The following SUPT20H variants were observed in gnomAD, a reference collection of about 807,000 sequenced individuals.
SUPT20H encodes transcription factor SPT20 homolog.
In SUPT20H, 82 loss-of-function variants were observed where a neutral mutation model predicts 122.8. That is an observed-to-expected ratio of 0.67 (90% confidence interval 0.56 to 0.80). The LOEUF (loss-of-function observed/expected upper bound fraction) is 0.80, where lower values mean the gene tolerates loss of function less well. Ranked by LOEUF, SUPT20H falls within the 30% of genes least tolerant of loss-of-function variation. The pLI, the probability that SUPT20H is intolerant of heterozygous loss-of-function variation, is 0.00. For missense variants in SUPT20H, 831 were observed against 921.6 expected (o/e 0.90, Z 1.27); for synonymous variants, 291 against 313.0 (o/e 0.93, Z 0.74).
intron 10 of SUPT20H, among the ~76,000 whole-genome samples, chr13:37,032,178 C>A (rs571071516): frequency 3.3e-5 from 5 of 151,248 alleles, no homozygotes; most frequent in Non-Finnish European, 5.9e-5. Flanking sequence ...GTAAGAGAAG[C>A]AAAAGAGTAC....
chr13:37,026,853 C>A (rs2062374884), intron 14 of SUPT20H, 37 bp from the exon 15 acceptor site: 2 of 1,354,940 alleles, frequency 1.5e-6, no homozygotes, highest in East Asian at 2.9e-5. Flanking sequence ...TTAGTTAATG[C>A]AGCTCAAACT....
At chr13:37,048,634 G>C in intron 2 of SUPT20H, 35 bp from the exon 3 acceptor site, 1 of 1,555,912 alleles carries the variant, frequency 6.4e-7, no homozygotes, top group Admixed American at 2.0e-5. Flanking sequence ...GGTAATATTA[G>C]TTATTTCCAC....
chr13:37,042,304 T>C (rs1042836225), intron 7 of SUPT20H, among the ~76,000 whole-genome samples: 2 of 152,142 alleles, frequency 1.3e-5, no homozygotes, highest in Non-Finnish European at 2.9e-5. Context: ...GAACCTATTA[T>C]ATATCCAAGA....
chr13:37,042,766 CTA>C (rs2065731846), intron 7 of SUPT20H, among the ~76,000 whole-genome samples: 1 of 152,098 alleles, frequency 6.6e-6, no homozygotes, highest in Admixed American at 6.6e-5. Flanking sequence ...GAGGAAATGA[CTA>C]TAAATTCTTT....
At chr13:37,033,720 C>T in intron 9 of SUPT20H, 132 bp from the exon 10 acceptor site, 1 of 986,700 alleles carries the variant, frequency 1.0e-6, no homozygotes, top group Non-Finnish European at 1.4e-6. Flanking sequence ...ATTTCAAGTT[C>T]CAATGTTAGT....
intron 22 of SUPT20H, 142 bp downstream of exon 22, chr13:37,019,200 C>T: frequency 1.8e-6 from 1 of 563,984 alleles, no homozygotes; most frequent in East Asian, 3.1e-5. Context: ...CTTGATCATA[C>T]AAAGGTAGCA....
At chr13:37,052,189 T>C (rs1307386774) in intron 1 of SUPT20H, among the ~76,000 whole-genome samples, 2 of 152,160 alleles carry the variant, frequency 1.3e-5, no homozygotes, top group African/African-American at 4.8e-5. Context: ...TACTTTAAAT[T>C]TCATGTGGAA....
chr13:37,046,369 A>G (rs1396171794), intron 5 of SUPT20H, among the ~76,000 whole-genome samples: 5 of 152,180 alleles, frequency 3.3e-5, no homozygotes, highest in Non-Finnish European at 7.4e-5. Context: ...CCTCTTCAAC[A>G]AAACAAATTA....
At chr13:37,042,704 G>A (rs1243828243) in intron 7 of SUPT20H, among the ~76,000 whole-genome samples, 1 of 152,146 alleles carries the variant, frequency 6.6e-6, no homozygotes, top group Non-Finnish European at 1.5e-5. Flanking sequence ...TCTGCAGAAC[G>A]ATGTCATGAT....
In SUPT20H at chr13:37,047,603, T is replaced by C; in HGVS notation, c.99-2A>G. On this transcript the variant is annotated splice_acceptor_variant, in intron 4 of 25. Transcript: ENST00000350612. LOFTEE classifies it high-confidence loss of function. ...TAAAGTTTTTGAAATACAGATTTTC[T>C]AAAAAAATTTAATGAAACAAATATA... 1 of 1,382,766 alleles carries C rather than the reference T, an allele frequency of 7.2e-7. No homozygotes were observed. Among genetic ancestry groups the C allele is most frequent in the Non-Finnish European group, 9.7e-7 (1 of 1,032,850 alleles). The allele number at this position is 1,382,766 out of a possible 1,614,324, so 85.7% of individuals were successfully genotyped here.
At position 37,059,570 on chromosome 13, in the gene SUPT20H, G is replaced by C. The variant is rs988167638; in HGVS notation, c.-105C>G. On this transcript the variant is annotated 5_prime_UTR_variant, in exon 1 of 26. Transcript: ENST00000350612. ...CCGCCACCGCCCACCTGTGCGGGTC[G>C]CCTCGCCGCTAGGCCCCAAGACGGC... 10 of 152,430 alleles carry C rather than the reference G, an allele frequency of 6.6e-5. No individual in the cohort carries two copies. Among genetic ancestry groups the C allele is most frequent in the African/African-American group, 2.4e-4 (10 of 41,464 alleles). 9.4% of individuals were successfully genotyped at this position (152,430 alleles called of 1,614,324 possible). A position where few individuals can be genotyped will look rare whatever the true frequency, so the allele number is the denominator to read the frequency against.
At chr13:37,018,981 CA>C (rs926339496) in intron 22 of SUPT20H, among the ~76,000 whole-genome samples, 1 of 149,828 alleles carries the variant, frequency 6.7e-6, no homozygotes, top group Non-Finnish European at 1.5e-5. Flanking sequence ...CCTTCAAGCA[CA>C]AAAAAAAACC....
chr13:37,046,282 G>C (rs905767243), intron 5 of SUPT20H, among the ~76,000 whole-genome samples: 27 of 152,224 alleles, frequency 1.8e-4, no homozygotes, highest in Admixed American at 1.6e-3. Flanking sequence ...GACTTAAAAT[G>C]TTAGTCTTTT....
At chr13:37,044,277 C>A in intron 6 of SUPT20H, 96 bp from the exon 7 acceptor site, 2 of 882,198 alleles carry the variant, frequency 2.3e-6, no homozygotes, top group Non-Finnish European at 3.3e-6. Context: ...TATAATAAAA[C>A]CAAAAGGCAT....
chr13:37,021,683 A>G, intron 20 of SUPT20H, 81 bp from the exon 21 acceptor site: 3 of 1,430,180 alleles, frequency 2.1e-6, no homozygotes, highest in Non-Finnish European at 2.8e-6. Flanking sequence ...TTAAAAAACA[A>G]AACTACTAAG....
In SUPT20H at chr13:37,040,711, G is replaced by A. The variant is rs572675524; in HGVS notation, c.397-19C>T. Reference sequence around the variant, plus strand: ...TATTAACCTGTTTGGGCAAAAATACGTAAACGTCATTTTTTTTTCCAAAAG... The same window carrying A: ...TATTAACCTGTTTGGGCAAAAATACATAAACGTCATTTTTTTTTCCAAAAG... On this transcript the variant is annotated intron_variant, in intron 7 of 25. Coordinates refer to ENST00000350612, the MANE Select transcript of SUPT20H (RefSeq NM_001014286.3). 39 of 1,587,742 alleles carry A rather than the reference G, an allele frequency of 2.5e-5. No individual in the cohort carries two copies. The East Asian group carries it at 3.8e-4, about 15-fold the overall frequency.
At chr13:37,016,429 C>CA (rs66581438) in intron 23 of SUPT20H, among the ~76,000 whole-genome samples, 4,122 of 139,758 alleles carry the variant, frequency 0.029, 195 homozygotes, top group African/African-American at 0.1. Context: ...GACTCTGTCT[C>CA]AAAAAAAAAA....
At chr13:37,042,846 T>C (rs2065752205) in intron 7 of SUPT20H, among the ~76,000 whole-genome samples, 1 of 152,184 alleles carries the variant, frequency 6.6e-6, no homozygotes, top group African/African-American at 2.4e-5. Context: ...AGGGAGGATT[T>C]TTTTAAAATT....
At chr13:37,042,204 GAC>G (rs2065601980) in intron 7 of SUPT20H, among the ~76,000 whole-genome samples, 1 of 152,158 alleles carries the variant, frequency 6.6e-6, no homozygotes, top group Non-Finnish European at 1.5e-5. Context: ...GGAAGGTAAG[GAC>G]AGAGTCATCT....
Sources: allele counts gnomAD v4.1 joint callset (sites outside exome capture counted in the v4.1 genomes callset), GRCh38; gene constraint gnomAD v4.1.1; transcripts MANE v1.5; gene names NCBI Gene and HGNC (gene_info 2026-07-23, HGNC 2026-07-21).